Variants in PTPRG observed in about 807,000 individuals in gnomAD.
The protein encoded by PTPRG is protein tyrosine phosphatase receptor type G, also known as receptor-type tyrosine-protein phosphatase gamma.
A neutral mutation model predicts 165.3 loss-of-function variants in PTPRG; 102 were observed. The ratio of observed to expected loss-of-function variants is 0.62; its 90% CI spans 0.53 to 0.73. The LOEUF (loss-of-function observed/expected upper bound fraction) is 0.73. Ranked by LOEUF, PTPRG falls within the 30% of genes least tolerant of loss-of-function variation. The probability of loss-of-function intolerance (pLI) is 0.00; values close to 1 mark genes in which losing one functional copy is unlikely to be tolerated. For synonymous variants in PTPRG, 675 were observed against 669.5 expected, an observed-to-expected ratio of 1.01 and a Z score of -0.13; for missense variants, 1,866 against 1,861.4, an observed-to-expected ratio of 1.00 and a Z score of -0.05.
At chr3:62,064,688 TAAGTA>T (rs915271350) in intron 4 of PTPRG, among the ~76,000 whole-genome samples, 2 of 148,722 alleles carry the variant, frequency 1.3e-5, no homozygotes, top group African/African-American at 4.9e-5. Context: ...TAGAAAAAAC[TAAGTA>T]AAGATTCTTT....
At chr3:61,587,739 C>T (rs1189700289) in intron 1 of PTPRG, among the ~76,000 whole-genome samples, 1 of 152,096 alleles carries the variant, frequency 6.6e-6, no homozygotes, top group Non-Finnish European at 1.5e-5. Context: ...TCACTGCAGC[C>T]TCAACCACCT....
At chr3:62,167,937 T>C in intron 7 of PTPRG, 34 bp from the exon 8 acceptor site, 1 of 1,563,438 alleles carries the variant, frequency 6.4e-7, no homozygotes, top group Non-Finnish European at 8.8e-7. Flanking sequence ...TGTTGTTTTT[T>C]TTTTCCCCCT....
At chr3:62,082,341 A>G (rs939439386) in intron 5 of PTPRG, among the ~76,000 whole-genome samples, 1 of 152,210 alleles carries the variant, frequency 6.6e-6, no homozygotes, top group Non-Finnish European at 1.5e-5. Flanking sequence ...AAGCACCAAA[A>G]TAGGCACAAA....
chr3:61,583,317 GTGGCTTCCT>G (rs1700350305), intron 1 of PTPRG, among the ~76,000 whole-genome samples: 1 of 152,170 alleles, frequency 6.6e-6, no homozygotes, highest in East Asian at 1.9e-4. Context: ...GAAGGGCTCA[GTGGCTTCCT>G]TACAGTGGTC....
At chr3:61,727,005 C>T (rs962123472) in intron 1 of PTPRG, among the ~76,000 whole-genome samples, 5 of 151,352 alleles carry the variant, frequency 3.3e-5, no homozygotes, top group Non-Finnish European at 7.4e-5. Flanking sequence ...CGAGATTGTG[C>T]CACTGCAGTC....
intron 1 of PTPRG, among the ~76,000 whole-genome samples, chr3:61,650,705 A>G (rs916106336): frequency 2.6e-5 from 4 of 152,248 alleles, no homozygotes; most frequent in Admixed American, 2.6e-4. Context: ...ACGCACAGTC[A>G]ACTTTTATCT....
intron 6 of PTPRG, among the ~76,000 whole-genome samples, chr3:62,150,133 C>T (rs376349355): frequency 2.6e-5 from 4 of 152,160 alleles, no homozygotes; most frequent in Non-Finnish European, 5.9e-5. Flanking sequence ...CATTTAGAAA[C>T]GGTGATTCAA....
chr3:61,913,830 A>C (rs746336589), intron 2 of PTPRG, among the ~76,000 whole-genome samples: 2 of 152,166 alleles, frequency 1.3e-5, no homozygotes, highest in Non-Finnish European at 1.5e-5. Context: ...TCTAAGGGAA[A>C]TCTCCCCAGC....
chr3:62,023,895 T>C (rs1180720578), intron 4 of PTPRG, among the ~76,000 whole-genome samples: 1 of 152,108 alleles, frequency 6.6e-6, no homozygotes, highest in East Asian at 1.9e-4. Flanking sequence ...CCTTCAATAA[T>C]GGTGTTATTG....
chr3:61,863,071 G>T (rs1045027432), intron 2 of PTPRG, among the ~76,000 whole-genome samples: 2 of 152,252 alleles, frequency 1.3e-5, no homozygotes, highest in African/African-American at 4.8e-5. Flanking sequence ...TGATTATGCA[G>T]TGCAGTTGTC....
rs1249774157 is a variant in PTPRG, at chr3:62,157,238, C to T, written c.840+14C>T. The T allele has an allele frequency of 1.9e-6, 3 of 1,609,866 alleles. No individual in the cohort carries two copies. Among genetic ancestry groups the T allele is most frequent in the Admixed American group, 1.7e-5 (1 of 59,958 alleles). ...TCTTACCATCAGGTAGATATTCTTC[C>T]TCAAGTGGGGTTTCTGTGTTTACTT... On this transcript the variant is annotated intron_variant, in intron 7 of 29. Transcript: ENST00000474889.
chr3:62,160,885 T>TTTTTTTTG (rs1452272876), intron 7 of PTPRG, among the ~76,000 whole-genome samples: 1 of 144,608 alleles, frequency 6.9e-6, no homozygotes, highest in African/African-American at 2.6e-5. Context: ...TTTTTTTTTT[T>TTTTTTTTG]TTTCTGACAG....
intron 5 of PTPRG, among the ~76,000 whole-genome samples, chr3:62,083,984 T>C (rs1642213011): frequency 6.6e-6 from 1 of 152,250 alleles, no homozygotes; most frequent in Admixed American, 6.5e-5. Flanking sequence ...CCAGTTGCCA[T>C]TGTCATATGA....
intron 1 of PTPRG, among the ~76,000 whole-genome samples, chr3:61,574,505 G>C (rs1700133043): frequency 6.6e-6 from 1 of 152,090 alleles, no homozygotes; most frequent in Non-Finnish European, 1.5e-5. Context: ...ATTTACATGT[G>C]TGTAAAGGTT....
At chr3:62,174,999 C>CAA (rs199683674) in intron 8 of PTPRG, among the ~76,000 whole-genome samples, 5 of 151,342 alleles carry the variant, frequency 3.3e-5, no homozygotes, top group South Asian at 2.1e-4. Context: ...AGAAAGAAGA[C>CAA]AAAAAAAACA....
At chr3:61,693,057 C>G (rs1422155767) in intron 1 of PTPRG, among the ~76,000 whole-genome samples, 1 of 151,896 alleles carries the variant, frequency 6.6e-6, no homozygotes, top group African/African-American at 2.4e-5. Context: ...TAATTGGTTG[C>G]TATTCCTTGG....
chr3:62,287,922 G>A lies in PTPRG; in HGVS notation c.4056-4499G>A, dbSNP rs558463215. 1.3e-5 allele frequency among the ~76,000 whole-genome samples: 2 copies of A among 152,146 alleles called. 1 individual carries two copies. The highest frequency in any genetic ancestry group is 4.2e-4 in the South Asian group (2 of 4,816). ...GATACCATACAAGGCTACATTCATTGATTACAACCCACTTACATTAGAAAC... is the reference window on the plus strand; with the variant it reads ...GATACCATACAAGGCTACATTCATTAATTACAACCCACTTACATTAGAAAC... On this transcript the variant is annotated intron_variant, in intron 28 of 29. Coordinates refer to ENST00000474889, the MANE Select transcript of PTPRG (RefSeq NM_002841.4).
intron 2 of PTPRG, among the ~76,000 whole-genome samples, chr3:61,976,113 A>G (rs548941494): frequency 6.6e-6 from 1 of 152,298 alleles, no homozygotes; most frequent in African/African-American, 2.4e-5. Flanking sequence ...TGCAACTGAC[A>G]TGGATGCATT....
At chr3:61,863,188 G>A (rs182843581) in intron 2 of PTPRG, among the ~76,000 whole-genome samples, 24 of 152,270 alleles carry the variant, frequency 1.6e-4, no homozygotes, top group Non-Finnish European at 2.4e-4. Flanking sequence ...TGACCCAGAC[G>A]GGGCTTCCCC....
Sources: gnomAD v4.1 joint callset for allele counts (sites outside exome capture counted in the v4.1 genomes callset) on GRCh38, gnomAD v4.1.1 for gene constraint, MANE v1.5 for transcripts, NCBI Gene and HGNC (gene_info 2026-07-23, HGNC 2026-07-21) for gene names.